Variants in ARHGAP29 observed in about 807,000 individuals in gnomAD.
The protein encoded by ARHGAP29 is Rho GTPase activating protein 29, also known as rho GTPase-activating protein 29.
ARHGAP29 carries 43 observed loss-of-function variants against 122.6 expected under a neutral mutation model. That is an observed-to-expected ratio of 0.35 (90% CI 0.27 to 0.45). ARHGAP29 has a LOEUF of 0.45. Ranked by LOEUF, ARHGAP29 falls within the 20% of genes least tolerant of loss-of-function variation. The pLI, the probability that ARHGAP29 is intolerant of heterozygous loss-of-function variation, is 1.00. For missense variants in ARHGAP29, 1,303 were observed against 1,477.2 expected, an observed-to-expected ratio of 0.88 and a Z score of 1.93; for synonymous variants, 506 against 497.1, an observed-to-expected ratio of 1.02 and a Z score of -0.24.
In ARHGAP29 at chr1:94,200,279, T is replaced by C. The variant is rs6667943; in HGVS notation, c.1281+1441A>G. ...ATTTTTAAGATAGCTAAAACACAGA[T>C]TGTCAATAAGCCTTTGAAAAGATGC... On this transcript the variant is annotated intron_variant, in intron 12 of 22. Coordinates refer to ENST00000260526, the MANE Select transcript of ARHGAP29 (RefSeq NM_004815.4). 9.9e-3 allele frequency among the ~76,000 whole-genome samples: 1,506 copies of C among 152,288 alleles called. 14 individuals are homozygous for C. Among genetic ancestry groups the C allele is most frequent in the African/African-American group, 0.03 (1,260 of 41,552 alleles).
the ARHGAP29 span, among the ~76,000 whole-genome samples, chr1:94,283,106 C>T: frequency 4.6e-5 from 7 of 152,042 alleles, no homozygotes; most frequent in Admixed American, 1.3e-4. Context: ...TACATAAAAC[C>T]ATTATTCTAA....
At chr1:94,236,693 T>C (rs986646219) in intron 1 of ARHGAP29, among the ~76,000 whole-genome samples, 1 of 152,126 alleles carries the variant, frequency 6.6e-6, no homozygotes, top group African/African-American at 2.4e-5. Flanking sequence ...ATTTTTTTTT[T>C]TAATTAAAAC....
intron 1 of ARHGAP29, among the ~76,000 whole-genome samples, chr1:94,249,751 CAA>C (rs112643845): frequency 5.5e-5 from 7 of 127,828 alleles, no homozygotes; most frequent in Non-Finnish European, 5.1e-5. Context: ...AACTCCATCT[CAA>C]AAAAAAAAAA....
rs1652922173 is a variant in ARHGAP29 at position 94,231,581 on chromosome 1, T to A, written c.31A>T (p.Lys11Ter). 1 of 1,613,640 alleles carries A rather than the reference T, an allele frequency of 6.2e-7. No individual in the cohort carries two copies. Among genetic ancestry groups the A allele is most frequent in the Non-Finnish European group, 8.5e-7 (1 of 1,179,714 alleles). MIAHKQKKTK[K>*]KRAWASGQLS... ...TGACCTGATGCCCAAGCACGTTTTT[T>A]CTTTGTCTTTTTCTGTTTGTGAGCA... The change falls in exon 2 of 23, where the codon AAA (lysine) becomes TAA (stop). Residue 11 changes from lysine (K) to a stop codon, truncating the protein, a stop_gained. Coordinates refer to ENST00000260526, the MANE Select transcript of ARHGAP29 (RefSeq NM_004815.4). LOFTEE classifies it high-confidence loss of function.
At chr1:94,280,230 CCCTGGAAGCCT>C in the ARHGAP29 span, among the ~76,000 whole-genome samples, 20 of 151,972 alleles carry the variant, frequency 1.3e-4, no homozygotes, top group Non-Finnish European at 2.8e-4. Context: ...CAAGTGAGAT[CCCTGGAAGCCT>C]CCAACCTTTC....
chr1:94,300,479 A>T, the ARHGAP29 span, among the ~76,000 whole-genome samples: 4 of 152,130 alleles, frequency 2.6e-5, no homozygotes, highest in African/African-American at 9.7e-5. Flanking sequence ...TGCTGACCTC[A>T]TCTGACCTGA....
rs893801617 is a variant in ARHGAP29, at chr1:94,223,973, G to A, written c.206-3581C>T. ...CAGGTGCTCACCACCACACCTGGCT[G>A]ATTTTTTTTGTATTTAGTAGAGACG... On this transcript the variant is annotated intron_variant, in intron 2 of 22. Transcript: ENST00000260526. 3.3e-5 allele frequency among the ~76,000 whole-genome samples: 5 copies of A among 151,950 alleles called. No individual in the cohort carries two copies. The South Asian group carries it at 6.2e-4, about 19-fold the overall frequency.
At chr1:94,262,802 G>A (rs557524427) in intron 1 of ARHGAP29, among the ~76,000 whole-genome samples, 73 of 152,266 alleles carry the variant, frequency 4.8e-4, no homozygotes, top group African/African-American at 1.7e-3. Flanking sequence ...CATTGTTGGT[G>A]GGAGTGTAAA....
intron 13 of ARHGAP29, 99 bp from the exon 14 acceptor site, chr1:94,189,451 A>G (rs1570505350): frequency 7.5e-7 from 1 of 1,325,508 alleles, no homozygotes; most frequent in East Asian, 2.6e-5. Context: ...TAATTTAACA[A>G]TCATAGAAGA....
At chr1:94,240,799 G>C (rs1416200024), upstream of ARHGAP29, among the ~76,000 whole-genome samples, 1 of 152,098 alleles carries the variant, frequency 6.6e-6, no homozygotes, top group Non-Finnish European at 1.5e-5. Flanking sequence ...TCTTCCTCAT[G>C]TGTTCTCTTC....
In ARHGAP29 at chr1:94,202,611, C is replaced by T. The variant is rs1650917576; in HGVS notation, c.1076G>A (p.Gly359Glu). Reference sequence around the variant, plus strand: ...TTGCTTGTTGAGATTTTTTGCTAATCCGCCACTTGAAGACAGATGCTCCTC... The same window carrying T: ...TTGCTTGTTGAGATTTTTTGCTAATTCGCCACTTGAAGACAGATGCTCCTC... ...AEEEHLSSSG[G>E]LAKNLNKQLE... The change falls in exon 11 of 23, where the codon GGA (glycine) becomes GAA (glutamate). Residue 359 changes from glycine (G) to glutamate (E), a missense_variant. By Grantham distance (98) the Gly-to-Glu change is moderately conservative. This residue lies in a region of ARHGAP29 where 592 missense variants were observed against 648.2 expected (regional missense o/e 0.91). Coordinates refer to ENST00000260526, the MANE Select transcript of ARHGAP29 (RefSeq NM_004815.4). The T allele has an allele frequency of 2.2e-5, 36 of 1,613,990 alleles. No individual in the cohort carries two copies. The highest frequency in any genetic ancestry group is 3.1e-5 in the Non-Finnish European group (36 of 1,179,988).
intron 2 of ARHGAP29, among the ~76,000 whole-genome samples, chr1:94,223,900 C>T (rs916852966): frequency 7.9e-5 from 12 of 151,960 alleles, no homozygotes; most frequent in East Asian, 3.9e-4. Context: ...CTCTGCCTCC[C>T]GGGTTCAAGC....
At chr1:94,212,285 A>G (rs1651673181) in intron 3 of ARHGAP29, among the ~76,000 whole-genome samples, 1 of 152,138 alleles carries the variant, frequency 6.6e-6, no homozygotes, top group African/African-American at 2.4e-5. Context: ...GATTTTGCAG[A>G]ATAAAAATGA....
chr1:94,241,718 TATATATA>T (rs1207641480), upstream of ARHGAP29, among the ~76,000 whole-genome samples: 30 of 8,746 alleles, frequency 3.4e-3, no homozygotes, highest in Admixed American at 0.041. Context: ...ATATATAATT[TATATATA>T]ATATATATTT....
At chr1:94,206,325 C>G (rs1651182898) in intron 5 of ARHGAP29, among the ~76,000 whole-genome samples, 1 of 152,116 alleles carries the variant, frequency 6.6e-6, no homozygotes, top group South Asian at 2.1e-4. Context: ...TGGAAAACAT[C>G]ATTTACCAAA....
At chr1:94,184,098 A>T in intron 19 of ARHGAP29, 53 bp downstream of exon 19, 1 of 1,562,632 alleles carries the variant, frequency 6.4e-7, no homozygotes, top group Non-Finnish European at 8.7e-7. Context: ...AATACAAATC[A>T]TATTTTTGCT....
chr1:94,288,488 G>A, the ARHGAP29 span, among the ~76,000 whole-genome samples: 3 of 152,148 alleles, frequency 2.0e-5, no homozygotes, highest in Non-Finnish European at 2.9e-5. Context: ...CAGTGCAGAA[G>A]CTCTTTAGTT....
rs1019178217 is a variant in ARHGAP29 at position 94,177,719 on chromosome 1, T to A, written c.2798A>T (p.Asp933Val). ...GCTTTCACTCTCTGAAGTATGGATA[T>A]CCTGTTGATGCAAGATAATTTTTAA... ...MKSLFFSSKE[D>V]IHTSESESKI... Residue 933 changes from aspartate (D) to valine (V), a missense_variant and splice_region_variant, in exon 22 of 23, where the codon GAT (aspartate) becomes GTT (valine). Coordinates refer to ENST00000260526, the MANE Select transcript of ARHGAP29 (RefSeq NM_004815.4). 3 of 1,607,904 alleles carry A rather than the reference T, an allele frequency of 1.9e-6. No individual in the cohort carries two copies. The highest frequency in any genetic ancestry group is 2.5e-6 in the Non-Finnish European group (3 of 1,177,264).
chr1:94,288,466 T>C, the ARHGAP29 span, among the ~76,000 whole-genome samples: 1 of 152,360 alleles, frequency 6.6e-6, no homozygotes, highest in South Asian at 2.1e-4. Context: ...ACTCTGATGA[T>C]AGTTTCTTTT....
Sources: gnomAD v4.1 joint callset for allele counts (sites outside exome capture counted in the v4.1 genomes callset) on GRCh38, gnomAD v4.1.1 for gene constraint, gnomAD v4.1.1 regional missense constraint, MANE v1.5 for transcripts, NCBI Gene and HGNC (gene_info 2026-07-23, HGNC 2026-07-21) for gene names.